Variants in PLAAT1 observed in about 807,000 individuals in gnomAD.
The protein encoded by PLAAT1 is phospholipase A and acyltransferase 1, also known as H-REV107 protein-related protein.
In PLAAT1, 13 loss-of-function variants were observed where a neutral mutation model predicts 16.4. The observed-to-expected ratio is 0.79, with a 90% CI of 0.52 to 1.26. The LOEUF is 1.26. PLAAT1 is among the 50% of genes most tolerant of loss of function. PLAAT1 has a pLI of 0.00. For synonymous variants in PLAAT1, 73 were observed against 78.4 expected (o/e 0.93, Z 0.36); for missense variants, 218 against 207.8 (o/e 1.05, Z -0.30).
intron 1 of PLAAT1, among the ~76,000 whole-genome samples, chr3:193,250,579 G>C (rs1716153475): frequency 1.3e-5 from 2 of 152,120 alleles, no homozygotes; most frequent in Admixed American, 6.5e-5. Context: ...TTGGGTGAAG[G>C]CTATAAAAGA....
intron 1 of PLAAT1, among the ~76,000 whole-genome samples, chr3:193,248,179 T>G (rs956121629): frequency 2.6e-5 from 4 of 152,202 alleles, no homozygotes; most frequent in African/African-American, 9.6e-5. Flanking sequence ...TTTCTGCAGT[T>G]TTTCACTTAC....
intron 1 of PLAAT1, among the ~76,000 whole-genome samples, chr3:193,253,744 T>G (rs1716278107): frequency 6.6e-6 from 1 of 152,172 alleles, no homozygotes; most frequent in Non-Finnish European, 1.5e-5. Flanking sequence ...TCCCTTTGTT[T>G]TATATATTAG....
chr3:193,273,939 C>T (rs11916881), downstream of PLAAT1, among the ~76,000 whole-genome samples: 63,182 of 151,844 alleles, frequency 0.42, 14,068 homozygotes, highest in African/African-American at 0.56. Context: ...GAGTTCTGGA[C>T]GACTTTTAAA....
downstream of PLAAT1, chr3:193,274,851 C>T (rs931851797): frequency 1.3e-5 from 9 of 704,460 alleles, no homozygotes; most frequent in Non-Finnish European, 1.9e-5. Context: ...TTTTTTCTCT[C>T]ATTGGTAAAG....
At chr3:193,243,288 A>G (rs1715849181) in intron 1 of PLAAT1, among the ~76,000 whole-genome samples, 1 of 152,228 alleles carries the variant, frequency 6.6e-6, no homozygotes, top group Non-Finnish European at 1.5e-5. Flanking sequence ...GAAGCACTGC[A>G]TTACACAATT....
intron 1 of PLAAT1, among the ~76,000 whole-genome samples, chr3:193,243,031 T>G (rs1007233152): frequency 1.3e-5 from 2 of 152,202 alleles, no homozygotes; most frequent in African/African-American, 4.8e-5. Context: ...TTTATTTATT[T>G]TGATGCATCC....
At chr3:193,270,197 A>G (rs1716938615) in intron 3 of PLAAT1, among the ~76,000 whole-genome samples, 1 of 152,140 alleles carries the variant, frequency 6.6e-6, no homozygotes, top group African/African-American at 2.4e-5. Context: ...CGTGTGTTTC[A>G]GAAGACTCAG....
downstream of PLAAT1, among the ~76,000 whole-genome samples, chr3:193,278,567 C>T (rs116079392): frequency 6.9e-3 from 1,047 of 152,328 alleles, 8 homozygotes; most frequent in African/African-American, 0.024. Context: ...TCAGTCCTCT[C>T]TGCGTCTTAG....
downstream of PLAAT1, chr3:193,274,996 T>TG: frequency 6.2e-7 from 1 of 1,603,406 alleles, no homozygotes; most frequent in Non-Finnish European, 8.5e-7. Context: ...GTGTTAATTT[T>TG]GGGGAAAAAA....
At chr3:193,243,960 A>G (rs1233826692) in intron 1 of PLAAT1, among the ~76,000 whole-genome samples, 2 of 152,214 alleles carry the variant, frequency 1.3e-5, no homozygotes, top group Non-Finnish European at 2.9e-5. Context: ...AAATGGAATG[A>G]TATAGTGTGT....
intron 3 of PLAAT1, among the ~76,000 whole-genome samples, chr3:193,269,774 G>T (rs1291769782): frequency 1.3e-5 from 2 of 152,150 alleles, no homozygotes; most frequent in African/African-American, 4.8e-5. Flanking sequence ...AAACCCATTT[G>T]AATGGAAGGC....
chr3:193,272,899 T>C (rs911015028), downstream of PLAAT1, among the ~76,000 whole-genome samples: 1 of 152,232 alleles, frequency 6.6e-6, no homozygotes, highest in Non-Finnish European at 1.5e-5. Flanking sequence ...GTTTTTCCTA[T>C]AGGTGATTAT....
chr3:193,247,562 T>C (rs1397282101), intron 1 of PLAAT1, among the ~76,000 whole-genome samples: 2 of 152,184 alleles, frequency 1.3e-5, no homozygotes, highest in South Asian at 4.1e-4. Context: ...TGCCTAATTA[T>C]TCCTGGTCAT....
At chr3:193,243,536 T>C (rs1715860958) in intron 1 of PLAAT1, among the ~76,000 whole-genome samples, 1 of 152,244 alleles carries the variant, frequency 6.6e-6, no homozygotes, top group Admixed American at 6.5e-5. Context: ...TGTATTTGCA[T>C]GCTTTTGCAG....
intron 3 of PLAAT1, among the ~76,000 whole-genome samples, chr3:193,266,789 A>G (rs1716792490): frequency 1.3e-5 from 2 of 152,190 alleles, no homozygotes; most frequent in South Asian, 2.1e-4. Flanking sequence ...AGCATAGTCA[A>G]TAAAATCTTG....
rs74694506 is a variant in PLAAT1 at position 193,258,934 on chromosome 3, C to T, written c.139+3145C>T. ...ACTAGCATCATCCTGATACCAAAAT[C>T]GGAGAGACACACAAAAAAAGAAAAC... On this transcript the variant is annotated intron_variant, in intron 2 of 3. Transcript: ENST00000264735. Among the ~76,000 whole-genome samples, 423 of 152,068 alleles carry T rather than the reference C, an allele frequency of 2.8e-3. 1 individual carries two copies. The highest frequency in any genetic ancestry group is 9.7e-3 in the African/African-American group (403 of 41,482).
At position 193,270,599 on chromosome 3, in the gene PLAAT1, T is replaced by C. The variant is rs924070929; in HGVS notation, c.406-5T>C. ...GTTTTTTGTTTACTTCTTGTTTCCTTATAGGCCAACCGAGCGATAAGTACC... is the reference window on the plus strand; with the variant it reads ...GTTTTTTGTTTACTTCTTGTTTCCTCATAGGCCAACCGAGCGATAAGTACC... On this transcript the variant is annotated splice_region_variant and splice_polypyrimidine_tract_variant and intron_variant, in intron 3 of 3. Coordinates refer to ENST00000264735, the MANE Select transcript of PLAAT1 (RefSeq NM_020386.5). 6.2e-7 allele frequency: 1 copy of C among 1,611,522 alleles called. No individual in the cohort carries two copies.
intron 3 of PLAAT1, among the ~76,000 whole-genome samples, chr3:193,267,268 G>T (rs1008299966): frequency 3.9e-4 from 60 of 151,968 alleles, no homozygotes; most frequent in African/African-American, 1.4e-3. Context: ...CGAATTCTAT[G>T]GTTTGGACAA....
At chr3:193,248,646 T>C (rs1257986795) in intron 1 of PLAAT1, among the ~76,000 whole-genome samples, 4 of 152,112 alleles carry the variant, frequency 2.6e-5, no homozygotes, top group Non-Finnish European at 5.9e-5. Context: ...TGACAAGCTA[T>C]TTTAAGCTTA....
Sources: gnomAD v4.1 joint callset for allele counts (sites outside exome capture counted in the v4.1 genomes callset) on GRCh38, gnomAD v4.1.1 for gene constraint, MANE v1.5 for transcripts, NCBI Gene and HGNC (gene_info 2026-07-23, HGNC 2026-07-21) for gene names.